The following CDYL2 variants were observed in gnomAD, a reference collection of about 807,000 sequenced individuals.
CDYL2 encodes chromodomain Y-like protein 2.
Under a neutral mutation model 49.4 loss-of-function variants are expected in CDYL2, and 23 were observed. The ratio of observed to expected loss-of-function variants is 0.47; its 90% confidence interval spans 0.34 to 0.66. The LOEUF (loss-of-function observed/expected upper bound fraction) is 0.66, where lower values mean the gene tolerates loss of function less well. Ranked by LOEUF, CDYL2 falls within the 30% of genes least tolerant of loss-of-function variation. CDYL2 has a pLI of 0.01. For missense variants in CDYL2, 678 were observed against 656.4 expected (o/e 1.03, Z -0.36); for synonymous variants, 360 against 268.8 (o/e 1.34, Z -3.32).
chr16:80,685,223 G>C (rs1044379679), intron 1 of CDYL2, 94 bp from the exon 2 acceptor site: 2 of 983,244 alleles, frequency 2.0e-6, no homozygotes, highest in East Asian at 2.4e-5. Context: ...CTTTGGGATA[G>C]AGGCATCTAC....
At chr16:80,801,937 G>A (rs527812866) in intron 1 of CDYL2, among the ~76,000 whole-genome samples, 1 of 152,216 alleles carries the variant, frequency 6.6e-6, no homozygotes, top group African/African-American at 2.4e-5. Flanking sequence ...ATGCAATTTA[G>A]CCCTTTTAGT....
chr16:80,672,895 G>A (rs1031665015), intron 2 of CDYL2, among the ~76,000 whole-genome samples: 1 of 152,210 alleles, frequency 6.6e-6, no homozygotes, highest in Non-Finnish European at 1.5e-5. Flanking sequence ...CAGCTCATTG[G>A]GCACTAGGAA....
chr16:80,644,118 C>T (rs954755595), intron 2 of CDYL2, among the ~76,000 whole-genome samples: 2 of 152,194 alleles, frequency 1.3e-5, no homozygotes, highest in African/African-American at 4.8e-5. Flanking sequence ...ATTTCTTTCA[C>T]GAGACACACT....
At chr16:80,626,754 A>T (rs997850035) in intron 3 of CDYL2, among the ~76,000 whole-genome samples, 3 of 152,194 alleles carry the variant, frequency 2.0e-5, no homozygotes, top group African/African-American at 7.2e-5. Flanking sequence ...CGGTGTATGG[A>T]AGTTAGGGGG....
chr16:80,739,264 G>C (rs1329370989), intron 1 of CDYL2, among the ~76,000 whole-genome samples: 1 of 152,140 alleles, frequency 6.6e-6, no homozygotes, highest in East Asian at 1.9e-4. Flanking sequence ...GGAGAATGTG[G>C]GATTAGTGTT....
chr16:80,642,518 T>C (rs1156950253), intron 2 of CDYL2, among the ~76,000 whole-genome samples: 2 of 152,274 alleles, frequency 1.3e-5, no homozygotes, highest in Non-Finnish European at 2.9e-5. Flanking sequence ...CTTAAAATGA[T>C]GAGATATAAG....
At chr16:80,608,071 G>A (rs532140476) in intron 6 of CDYL2, 21 bp downstream of exon 6, 77 of 1,549,526 alleles carry the variant, frequency 5.0e-5, no homozygotes, top group South Asian at 6.0e-5. Flanking sequence ...GGACAAGCAC[G>A]CAGGAGGCGC....
intron 1 of CDYL2, among the ~76,000 whole-genome samples, chr16:80,710,089 G>A (rs1246311220): frequency 2.0e-5 from 3 of 152,014 alleles, no homozygotes; most frequent in African/African-American, 7.3e-5. Context: ...CACCACGCCT[G>A]GCTAATTTTT....
intron 2 of CDYL2, among the ~76,000 whole-genome samples, chr16:80,676,558 T>C (rs943691981): frequency 6.6e-6 from 1 of 152,156 alleles, no homozygotes; most frequent in African/African-American, 2.4e-5. Context: ...GCAGTGGTGA[T>C]TCTAAAGGCA....
chr16:80,721,801 C>T (rs150996203), intron 1 of CDYL2, among the ~76,000 whole-genome samples: 254 of 152,330 alleles, frequency 1.7e-3, no homozygotes, highest in African/African-American at 5.2e-3. Context: ...GTCCCCTCCC[C>T]GGTGACCATC....
At chr16:80,783,893 G>A (rs181706600) in intron 1 of CDYL2, among the ~76,000 whole-genome samples, 1 of 152,176 alleles carries the variant, frequency 6.6e-6, no homozygotes, top group Non-Finnish European at 1.5e-5. Flanking sequence ...AGTGCCCGGG[G>A]CTGGGAAAAC....
Position 80,598,356 on chromosome 16 carries a change from G to A in CDYL2, c.*6032C>T, listed in dbSNP as rs1905929376. The A allele has an allele frequency of 6.6e-6, 1 of 151,994 alleles. No individual in the cohort carries two copies. Among genetic ancestry groups the A allele is most frequent in the Admixed American group, 6.6e-5 (1 of 15,256 alleles). The allele number at this position is 151,994 out of a possible 1,614,324, so 9.4% of individuals were successfully genotyped here. A position where few individuals can be genotyped will look rare whatever the true frequency, so the allele number is the denominator to read the frequency against. On this transcript the variant is annotated 3_prime_UTR_variant, in exon 7 of 7. Coordinates refer to ENST00000570137, the MANE Select transcript of CDYL2 (RefSeq NM_152342.4). Reference sequence around the variant, plus strand: ...GTTTTTGGTAGCCTGCTTCATTATCGGAAGTTTGGTAATAAGCCTTACCAA... The same window carrying A: ...GTTTTTGGTAGCCTGCTTCATTATCAGAAGTTTGGTAATAAGCCTTACCAA...
intron 2 of CDYL2, among the ~76,000 whole-genome samples, chr16:80,680,744 G>C (rs959446676): frequency 1.1e-4 from 16 of 152,178 alleles, no homozygotes; most frequent in African/African-American, 3.9e-4. Context: ...TCTACCAACA[G>C]ATGGATCTAT....
chr16:80,693,121 G>GT (rs1166444776), intron 1 of CDYL2, among the ~76,000 whole-genome samples: 3 of 146,622 alleles, frequency 2.0e-5, no homozygotes, highest in Non-Finnish European at 4.5e-5. Context: ...TGGGGGCTGG[G>GT]TGTGGGGGTG....
chr16:80,699,555 A>C (rs981867779), intron 1 of CDYL2, among the ~76,000 whole-genome samples: 1 of 152,256 alleles, frequency 6.6e-6, no homozygotes, highest in African/African-American at 2.4e-5. Context: ...GTTAATAAAT[A>C]CAAAATCACA....
intron 2 of CDYL2, among the ~76,000 whole-genome samples, chr16:80,681,854 T>C (rs556815705): frequency 4.8e-4 from 73 of 152,314 alleles, no homozygotes; most frequent in African/African-American, 1.6e-3. Flanking sequence ...GAAAAGTCCA[T>C]ACCTATCTCT....
At position 80,684,913 on chromosome 16, in the gene CDYL2, T is replaced by A; in HGVS notation, c.241A>T (p.Ser81Cys). 2.5e-6 allele frequency: 4 copies of A among 1,614,210 alleles called. No homozygotes were observed. The highest frequency in any genetic ancestry group is 3.4e-6 in the Non-Finnish European group (4 of 1,180,030). The part of the protein sequence containing the change: ...QSSTSKLLRD[S>C]RGPSVEKLSH... The stretch of plus-strand genomic sequence containing the variant: ...AGTTTCTCAACCGACGGGCCTCGAC[T>A]GTCACGCAGCAGCTTGGAGGTACTG... Residue 81 changes from serine (S) to cysteine (C), a missense_variant, in exon 2 of 7, where the codon AGT (serine) becomes TGT (cysteine). Ser to Cys is a moderately radical substitution (Grantham distance 112, BLOSUM62 -1). This residue lies in a region of CDYL2 where 478 missense variants were observed against 427.0 expected (regional missense o/e 1.12). Coordinates refer to ENST00000570137, the MANE Select transcript of CDYL2 (RefSeq NM_152342.4).
At chr16:80,704,427 G>A (rs977595140) in intron 1 of CDYL2, among the ~76,000 whole-genome samples, 6 of 152,220 alleles carry the variant, frequency 3.9e-5, no homozygotes, top group South Asian at 2.1e-4. Context: ...GAGGTGCAAC[G>A]GTGAATAAAA....
chr16:80,693,245 C>A (rs1483525082), intron 1 of CDYL2, among the ~76,000 whole-genome samples: 5 of 152,122 alleles, frequency 3.3e-5, no homozygotes, highest in Admixed American at 3.3e-4. Flanking sequence ...TCAAAAGTCA[C>A]TTTTACACTG....
Sources: allele counts gnomAD v4.1 joint callset (sites outside exome capture counted in the v4.1 genomes callset), GRCh38; gene constraint gnomAD v4.1.1; regional missense constraint gnomAD v4.1.1; transcripts MANE v1.5; gene names NCBI Gene and HGNC (gene_info 2026-07-23, HGNC 2026-07-21).